Variants in AMD1 observed in about 807,000 individuals in gnomAD.
AMD1 encodes the protein adenosylmethionine decarboxylase 1, also known as S-adenosylmethionine decarboxylase proenzyme.
Under a neutral mutation model 40.2 loss-of-function variants are expected in AMD1, and 11 were observed. The ratio of observed to expected loss-of-function variants is 0.27; its 90% CI spans 0.17 to 0.45. The LOEUF is 0.45. Ranked by LOEUF, AMD1 falls within the 20% of genes least tolerant of loss-of-function variation. The probability of loss-of-function intolerance (pLI) is 1.00; values close to 1 mark genes in which losing one functional copy is unlikely to be tolerated. For missense variants in AMD1, 257 were observed against 410.2 expected (o/e 0.63, Z 3.23); for synonymous variants, 121 against 130.8 (o/e 0.93, Z 0.51).
chr6:110,868,136 ATTTAT>A, the AMD1 span, among the ~76,000 whole-genome samples: 2 of 150,764 alleles, frequency 1.3e-5, no homozygotes. Flanking sequence ...GTATTTTCTT[ATTTAT>A]TTTATTATTA....
chr6:110,840,060 CCAGTCTGAAGTG>C, the AMD1 span, among the ~76,000 whole-genome samples: 243 of 117,762 alleles, frequency 2.1e-3, no homozygotes, highest in African/African-American at 7.4e-3. Flanking sequence ...CTCTTGTTAT[CCAGTCTGAAGTG>C]CAATGGTGCG....
the AMD1 span, among the ~76,000 whole-genome samples, chr6:110,819,666 C>G: frequency 6.6e-6 from 1 of 152,170 alleles, no homozygotes; most frequent in Non-Finnish European, 1.5e-5. Context: ...AACTGTCAGG[C>G]ATTTGAACCA....
intron 1 of AMD1, among the ~76,000 whole-genome samples, chr6:110,887,292 T>C (rs1785750807): frequency 6.6e-6 from 1 of 152,210 alleles, no homozygotes; most frequent in Admixed American, 6.5e-5. Context: ...TGTAAATACA[T>C]AGTATAATGA....
the AMD1 span, among the ~76,000 whole-genome samples, chr6:110,844,405 G>A: frequency 7.9e-5 from 12 of 151,440 alleles, no homozygotes; most frequent in Admixed American, 1.3e-4. Flanking sequence ...TGATCCTCCC[G>A]CCTTGGCCTC....
At chr6:110,868,201 A>G in the AMD1 span, among the ~76,000 whole-genome samples, 13,565 of 151,882 alleles carry the variant, frequency 0.089, 650 homozygotes, top group Middle Eastern at 0.13. Flanking sequence ...AGGCTGGAGT[A>G]CAGTGGTGCG....
chr6:110,893,775 G>A lies in AMD1; in HGVS notation c.*159G>A, dbSNP rs1162557414. ...ATAGTGTAATCATTTTGAATTGTAT[G>A]CATTATTATATCAAGGAGTTAGATA... On this transcript the variant is annotated 3_prime_UTR_variant, in exon 9 of 9. Coordinates refer to ENST00000368885, the MANE Select transcript of AMD1 (RefSeq NM_001634.6). 1.3e-6 allele frequency: 1 copy of A among 758,750 alleles called. No individual in the cohort carries two copies. Among genetic ancestry groups the A allele is most frequent in the Non-Finnish European group, 2.0e-6 (1 of 489,208 alleles). 47.0% of individuals were successfully genotyped at this position (758,750 alleles called of 1,614,324 possible). A position where few individuals can be genotyped will look rare whatever the true frequency, so the allele number is the denominator to read the frequency against.
chr6:110,852,024 A>G, the AMD1 span, among the ~76,000 whole-genome samples: 1 of 151,712 alleles, frequency 6.6e-6, no homozygotes, highest in East Asian at 2.0e-4. Context: ...ACAGAACTCT[A>G]GCAATCTTCT....
At position 110,887,548 on chromosome 6, in the gene AMD1, A is replaced by G. The variant is rs1157138970; in HGVS notation, c.154A>G (p.Ile52Val). The G allele has an allele frequency of 7.5e-6, 12 of 1,609,452 alleles. No homozygotes were observed. Among genetic ancestry groups the G allele is most frequent in the Non-Finnish European group, 1.0e-5 (12 of 1,178,446 alleles). Reference sequence around the variant, plus strand: ...TTTGAAGGATGTGCAATGTTCAATCATAAGTGTGACAAAAACTGACAAGCA... The same window carrying G: ...TTTGAAGGATGTGCAATGTTCAATCGTAAGTGTGACAAAAACTGACAAGCA... ...ILLKDVQCSI[I>V]SVTKTDKQEA... The change falls in exon 2 of 9, where the codon ATA (isoleucine) becomes GTA (valine). Residue 52 changes from isoleucine (I) to valine (V), a missense_variant. Physicochemically the swap from Ile to Val is conservative, Grantham distance 29. Coordinates refer to ENST00000368885, the MANE Select transcript of AMD1 (RefSeq NM_001634.6).
upstream of AMD1, among the ~76,000 whole-genome samples, chr6:110,870,784 A>G (rs1347397549): frequency 6.6e-6 from 1 of 152,218 alleles, no homozygotes; most frequent in Admixed American, 6.5e-5. Context: ...ACTTTACTCT[A>G]TGGTCAAAAT....
chr6:110,863,891 C>A, the AMD1 span: 1 of 497,006 alleles, frequency 2.0e-6, no homozygotes, highest in South Asian at 1.5e-5. Context: ...GGGCAGAAGT[C>A]CAGGAATGTA....
upstream of AMD1, among the ~76,000 whole-genome samples, chr6:110,871,937 A>C (rs1046255830): frequency 1.3e-5 from 2 of 152,172 alleles, no homozygotes; most frequent in Non-Finnish European, 2.9e-5. Context: ...AGCCAAGAGC[A>C]CTGCAGCATT....
the AMD1 span, among the ~76,000 whole-genome samples, chr6:110,824,370 T>G: frequency 6.6e-6 from 1 of 152,230 alleles, no homozygotes; most frequent in Non-Finnish European, 1.5e-5. Context: ...GGCTAAGCTA[T>G]GGGTACACAA....
At chr6:110,875,486 C>T in intron 1 of AMD1, 2 of 352,028 alleles carry the variant, frequency 5.7e-6, no homozygotes, top group Non-Finnish European at 1.0e-5. Flanking sequence ...GCTCAGGTAA[C>T]GTCCCGCGCT....
chr6:110,893,202 G>A, intron 8 of AMD1, 137 bp downstream of exon 8: 1 of 949,066 alleles, frequency 1.1e-6, no homozygotes, highest in Non-Finnish European at 1.5e-6. Context: ...TATTGTTTGA[G>A]GTTACTGGTA....
chr6:110,842,903 G>A, the AMD1 span, among the ~76,000 whole-genome samples: 2 of 152,180 alleles, frequency 1.3e-5, no homozygotes, highest in Admixed American at 1.3e-4. Flanking sequence ...GGGAGGCCGA[G>A]GGGGATGGAT....
the AMD1 span, among the ~76,000 whole-genome samples, chr6:110,820,817 C>T: frequency 9.2e-5 from 14 of 152,184 alleles, no homozygotes; most frequent in Admixed American, 8.5e-4. Flanking sequence ...GCAGGAGAAT[C>T]ACTTGAACCC....
chr6:110,892,569 A>G (rs1786082764), intron 6 of AMD1, 126 bp downstream of exon 6: 4 of 1,450,842 alleles, frequency 2.8e-6, no homozygotes, highest in South Asian at 2.5e-5. Flanking sequence ...AACTTGTGTC[A>G]TGGGGGTTTG....
At chr6:110,866,246 C>A in the AMD1 span, among the ~76,000 whole-genome samples, 1 of 152,016 alleles carries the variant, frequency 6.6e-6, no homozygotes, top group Non-Finnish European at 1.5e-5. Context: ...TTTACAATTT[C>A]CATAAAATAA....
At chr6:110,822,722 G>C in the AMD1 span, among the ~76,000 whole-genome samples, 1 of 152,170 alleles carries the variant, frequency 6.6e-6, no homozygotes, top group Admixed American at 6.5e-5. Flanking sequence ...ACATCAAAAA[G>C]ATAATTCTCC....
Sources: allele counts gnomAD v4.1 joint callset (sites outside exome capture counted in the v4.1 genomes callset), GRCh38; gene constraint gnomAD v4.1.1; transcripts MANE v1.5; gene names NCBI Gene and HGNC (gene_info 2026-07-23, HGNC 2026-07-21).